The following RIMS1 variants were observed in gnomAD, a reference collection of about 807,000 sequenced individuals.
The protein encoded by RIMS1 is regulating synaptic membrane exocytosis protein 1.
In RIMS1, 83 loss-of-function variants were observed where a neutral mutation model predicts 214.1. The observed-to-expected ratio is 0.39, with a 90% confidence interval of 0.32 to 0.47. RIMS1 has a LOEUF of 0.47. Ranked by LOEUF, RIMS1 falls within the 20% of genes least tolerant of loss-of-function variation. The pLI, the probability that RIMS1 is intolerant of heterozygous loss-of-function variation, is 0.99. For missense variants in RIMS1, 2,050 were observed against 2,161.8 expected, an observed-to-expected ratio of 0.95 and a Z score of 1.03; for synonymous variants, 793 against 786.8, an observed-to-expected ratio of 1.01 and a Z score of -0.13.
intron 2 of RIMS1, among the ~76,000 whole-genome samples, chr6:72,067,364 C>T (rs1829571626): frequency 6.6e-6 from 1 of 152,156 alleles, no homozygotes. Flanking sequence ...CAAGCTTGTT[C>T]CTCCCTCAGT....
intron 1 of RIMS1, among the ~76,000 whole-genome samples, chr6:71,896,329 G>C (rs964587508): frequency 6.6e-6 from 1 of 152,092 alleles, no homozygotes; most frequent in African/African-American, 2.4e-5. Context: ...ATAGCAACCT[G>C]AAGTAAAAAC....
intron 1 of RIMS1, among the ~76,000 whole-genome samples, chr6:71,961,671 C>T (rs1792990559): frequency 6.6e-6 from 1 of 152,088 alleles, no homozygotes; most frequent in Non-Finnish European, 1.5e-5. Flanking sequence ...TGATACCTCC[C>T]TCTGATACAC....
intron 3 of RIMS1, among the ~76,000 whole-genome samples, chr6:72,098,950 T>C (rs142979879): frequency 2.6e-4 from 40 of 152,298 alleles, no homozygotes; most frequent in Non-Finnish European, 5.0e-4. Context: ...AACTTCCCCT[T>C]CTATAGTGCT....
At chr6:72,238,684 A>G (rs1480316139) in intron 9 of RIMS1, among the ~76,000 whole-genome samples, 1 of 152,120 alleles carries the variant, frequency 6.6e-6, no homozygotes, top group Non-Finnish European at 1.5e-5. Context: ...TTTTGGTTAG[A>G]TGGCTGTTTA....
intron 2 of RIMS1, among the ~76,000 whole-genome samples, chr6:72,045,065 A>G (rs1475658847): frequency 6.6e-6 from 1 of 151,982 alleles, no homozygotes; most frequent in African/African-American, 2.4e-5. Flanking sequence ...ACGAATATCA[A>G]AAACGTCATG....
At chr6:72,086,743 T>C (rs1834755915) in intron 2 of RIMS1, among the ~76,000 whole-genome samples, 1 of 152,146 alleles carries the variant, frequency 6.6e-6, no homozygotes, top group Non-Finnish European at 1.5e-5. Context: ...ATGTGAGAGA[T>C]GCTAATAGAT....
intron 23 of RIMS1, among the ~76,000 whole-genome samples, chr6:72,274,886 T>A (rs1008232536): frequency 6.6e-6 from 1 of 151,928 alleles, no homozygotes; most frequent in African/African-American, 2.4e-5. Flanking sequence ...TTATATTAAA[T>A]AATGTCTGTC....
At chr6:71,978,896 T>C (rs1412623204) in intron 2 of RIMS1, among the ~76,000 whole-genome samples, 1 of 152,140 alleles carries the variant, frequency 6.6e-6, no homozygotes, top group African/African-American at 2.4e-5. Context: ...GCCAGTAATT[T>C]GAAAATAGAG....
intron 6 of RIMS1, among the ~76,000 whole-genome samples, chr6:72,230,476 T>A (rs1319929429): frequency 7.9e-5 from 12 of 151,570 alleles, no homozygotes; most frequent in Admixed American, 7.9e-4. Flanking sequence ...AGAGGAATGG[T>A]TTTTTTATAT....
intron 2 of RIMS1, among the ~76,000 whole-genome samples, chr6:71,974,233 T>G (rs569376530): frequency 6.6e-6 from 1 of 152,042 alleles, no homozygotes; most frequent in South Asian, 2.1e-4. Flanking sequence ...TAACATAAAA[T>G]TATAGGAATT....
At chr6:72,255,251 T>C (rs778001422) in intron 16 of RIMS1, among the ~76,000 whole-genome samples, 2 of 152,176 alleles carry the variant, frequency 1.3e-5, no homozygotes, top group Non-Finnish European at 2.9e-5. Flanking sequence ...CTTTTAGATG[T>C]TGGTTACAAA....
intron 1 of RIMS1, among the ~76,000 whole-genome samples, chr6:71,968,551 T>A (rs1241275665): frequency 1.3e-5 from 2 of 152,188 alleles, no homozygotes; most frequent in African/African-American, 4.8e-5. Flanking sequence ...GTGTGGTGAT[T>A]GATGGTGTGA....
At chr6:72,176,410 G>T (rs755915946) in intron 4 of RIMS1, among the ~76,000 whole-genome samples, 1 of 152,046 alleles carries the variant, frequency 6.6e-6, no homozygotes, top group Non-Finnish European at 1.5e-5. Flanking sequence ...GCAATGTTTG[G>T]TATTAACTGT....
At chr6:71,963,515 C>T (rs929425415) in intron 1 of RIMS1, among the ~76,000 whole-genome samples, 1 of 151,884 alleles carries the variant, frequency 6.6e-6, no homozygotes, top group African/African-American at 2.4e-5. Context: ...AAGAAATTTC[C>T]CCATATTTAA....
At position 72,290,879 on chromosome 6, in the gene RIMS1, C is replaced by T; in HGVS notation, c.3737+18C>T. 2 of 1,609,212 alleles carry T rather than the reference C, an allele frequency of 1.2e-6. No individual in the cohort carries two copies. The highest frequency in any genetic ancestry group is 1.7e-6 in the Non-Finnish European group (2 of 1,177,720). Reference sequence around the variant, plus strand: ...CTGACAAGGTCGCTATTCAGTGTCCCCCTCAGCATTCATGTCCTGCCTCCG... The same window carrying T: ...CTGACAAGGTCGCTATTCAGTGTCCTCCTCAGCATTCATGTCCTGCCTCCG... On this transcript the variant is annotated intron_variant, in intron 25 of 33. Transcript: ENST00000521978.
At chr6:71,903,964 C>T (rs1242789942) in intron 1 of RIMS1, among the ~76,000 whole-genome samples, 3 of 152,116 alleles carry the variant, frequency 2.0e-5, no homozygotes, top group Non-Finnish European at 4.4e-5. Context: ...AATTGGCATT[C>T]TTCCAACAAG....
At chr6:71,971,097 C>T (rs374433784) in intron 2 of RIMS1, among the ~76,000 whole-genome samples, 6 of 151,982 alleles carry the variant, frequency 3.9e-5, no homozygotes, top group Admixed American at 3.3e-4. Flanking sequence ...ACTTAGATTT[C>T]TCTATATGGT....
chr6:72,109,400 G>C (rs907506653), intron 4 of RIMS1, among the ~76,000 whole-genome samples: 1 of 151,732 alleles, frequency 6.6e-6, no homozygotes, highest in African/African-American at 2.4e-5. Context: ...ATTCTAACTG[G>C]TGTGAGATGG....
rs546777207 is a variant in RIMS1 at position 72,088,703 on chromosome 6, C to A, written c.246-8246C>A. On this transcript the variant is annotated intron_variant, in intron 2 of 33. Coordinates refer to ENST00000521978, the MANE Select transcript of RIMS1 (RefSeq NM_014989.7). Reference sequence around the variant, plus strand: ...TTCAGACATGTTATAACAGTTATTACAAGTTCATTTTGGTGCAAGAAAGTT... The same window carrying A: ...TTCAGACATGTTATAACAGTTATTAAAAGTTCATTTTGGTGCAAGAAAGTT... 8.5e-5 allele frequency among the ~76,000 whole-genome samples: 13 copies of A among 152,262 alleles called. No homozygotes were observed. In the East Asian group the frequency reaches 2.5e-3, roughly 29 times the overall value.
Sources: allele counts gnomAD v4.1 joint callset (sites outside exome capture counted in the v4.1 genomes callset), GRCh38; gene constraint gnomAD v4.1.1; transcripts MANE v1.5; gene names NCBI Gene and HGNC (gene_info 2026-07-23, HGNC 2026-07-21).